The following PDHX variants were observed in gnomAD, a reference collection of about 807,000 sequenced individuals.
The protein encoded by PDHX is pyruvate dehydrogenase protein X component, mitochondrial.
PDHX carries 33 observed loss-of-function variants against 55.3 expected under a neutral mutation model. The observed-to-expected ratio is 0.60, with a 90% CI of 0.45 to 0.80. The LOEUF (loss-of-function observed/expected upper bound fraction) is 0.80. Ranked by LOEUF, PDHX falls within the 30% of genes least tolerant of loss-of-function variation. The probability of loss-of-function intolerance (pLI) is 0.00; values close to 1 mark genes in which losing one functional copy is unlikely to be tolerated. For missense variants in PDHX, 622 were observed against 619.9 expected, an observed-to-expected ratio of 1.00 and a Z score of -0.04; for synonymous variants, 226 against 219.4, an observed-to-expected ratio of 1.03 and a Z score of -0.27.
chr11:34,964,807 CTAATATTA>C (rs1855094388), intron 5 of PDHX, among the ~76,000 whole-genome samples: 5 of 149,114 alleles, frequency 3.4e-5, no homozygotes, highest in African/African-American at 1.0e-4. Flanking sequence ...ATTAGCATAA[CTAATATTA>C]GCTATTAGCA....
intron 2 of PDHX, among the ~76,000 whole-genome samples, chr11:34,936,887 C>G (rs763762873): frequency 1.5e-4 from 22 of 149,102 alleles, no homozygotes; most frequent in Admixed American, 9.4e-4. Flanking sequence ...CTCCCAGGTT[C>G]ACGTGAGTCT....
rs1043406653 is a variant in PDHX, at chr11:34,978,291, T to C, written c.1023+109T>C. 1.5e-5 allele frequency: 11 copies of C among 724,560 alleles called. No individual in the cohort carries two copies. The African/African-American group carries it at 1.9e-4, about 13-fold the overall frequency. The allele number at this position is 724,560 out of a possible 1,614,324, so 44.9% of individuals were successfully genotyped here. A position where few individuals can be genotyped will look rare whatever the true frequency, so the allele number is the denominator to read the frequency against. On this transcript the variant is annotated intron_variant, in intron 8 of 10. Transcript: ENST00000227868. ...TTTTAAATCACAAAAATTTTATAAT[T>C]GTCTTGCTAAAAATATCCTATCGTT...
chr11:34,956,218 A>G (rs1470135291), intron 3 of PDHX, among the ~76,000 whole-genome samples: 1 of 141,250 alleles, frequency 7.1e-6, no homozygotes, highest in Non-Finnish European at 1.6e-5. Flanking sequence ...ATATATATAT[A>G]TGTATTTTGC....
intron 1 of PDHX, among the ~76,000 whole-genome samples, chr11:34,925,803 G>T (rs1164410602): frequency 1.3e-5 from 2 of 152,178 alleles, no homozygotes; most frequent in Non-Finnish European, 1.5e-5. Flanking sequence ...CTGACATGAT[G>T]CTCAGAGGTG....
intron 1 of PDHX, 57 bp downstream of exon 1, chr11:34,916,872 A>G: frequency 6.7e-7 from 1 of 1,482,774 alleles, no homozygotes. Context: ...GGCCTGGGAC[A>G]GGGGCAGTTA....
At chr11:34,938,383 C>G (rs1035753313) in intron 2 of PDHX, among the ~76,000 whole-genome samples, 1 of 152,024 alleles carries the variant, frequency 6.6e-6, no homozygotes, top group Non-Finnish European at 1.5e-5. Flanking sequence ...GAGCCAGTAC[C>G]CCATTGGAAA....
intron 2 of PDHX, among the ~76,000 whole-genome samples, chr11:34,935,274 T>C (rs1854281938): frequency 6.6e-6 from 1 of 152,142 alleles, no homozygotes; most frequent in African/African-American, 2.4e-5. Context: ...TTGATATTAT[T>C]AAGAGAATAT....
intron 8 of PDHX, among the ~76,000 whole-genome samples, chr11:34,979,382 A>G (rs913498468): frequency 2.0e-5 from 3 of 152,136 alleles, no homozygotes; most frequent in Non-Finnish European, 2.9e-5. Context: ...TCTAGAACCC[A>G]GGCTTCCTGC....
chr11:34,959,433 A>G (rs1467770503), intron 4 of PDHX, among the ~76,000 whole-genome samples: 1 of 151,982 alleles, frequency 6.6e-6, no homozygotes, highest in African/African-American at 2.4e-5. Context: ...ACCAAACCAG[A>G]CCCAGATTAT....
At chr11:34,992,422 G>A in intron 10 of PDHX, 43 bp downstream of exon 10, 2 of 1,000,100 alleles carry the variant, frequency 2.0e-6, no homozygotes, top group Non-Finnish European at 3.2e-6. Context: ...CAAACAGATA[G>A]ATGTAAGACT....
At chr11:34,980,717 G>A (rs757245753) in intron 8 of PDHX, among the ~76,000 whole-genome samples, 2 of 152,052 alleles carry the variant, frequency 1.3e-5, no homozygotes, top group Non-Finnish European at 2.9e-5. Context: ...AGGTAGCCTT[G>A]CAATGGAAAT....
intron 1 of PDHX, 91 bp from the exon 2 acceptor site, chr11:34,931,313 T>C (rs572584718): frequency 1.1e-5 from 8 of 751,532 alleles, no homozygotes; most frequent in Non-Finnish European, 1.9e-5. Flanking sequence ...TTTTTCAAAT[T>C]GAATTTGACG....
In PDHX at chr11:34,966,733, G is replaced by T; in HGVS notation, c.735G>T (p.Ser245=). Residue 245 remains serine (S), a synonymous_variant, in exon 6 of 11, where the codon TCG becomes TCT. Transcript: ENST00000227868. ...PAPTATPTAP[S]PLQATAGPSY... ...CCACAGCCACTCCCACAGCACCTTC[G>T]CCCCTACAGGCCACAGCTGGACCAT... 6.2e-7 allele frequency: 1 copy of T among 1,614,026 alleles called. No individual in the cohort carries two copies. Among genetic ancestry groups the T allele is most frequent in the Non-Finnish European group, 8.5e-7 (1 of 1,179,972 alleles).
At chr11:34,921,653 G>A (rs995091221) in intron 1 of PDHX, among the ~76,000 whole-genome samples, 2 of 152,132 alleles carry the variant, frequency 1.3e-5, no homozygotes, top group African/African-American at 4.8e-5. Flanking sequence ...TAATGACCAA[G>A]CAAAGTGTAT....
chr11:34,933,262 T>C (rs1191709405), intron 2 of PDHX, among the ~76,000 whole-genome samples: 1 of 152,182 alleles, frequency 6.6e-6, no homozygotes, highest in Non-Finnish European at 1.5e-5. Flanking sequence ...TTCTCTCTCT[T>C]TTTCTCTCTC....
intron 10 of PDHX, among the ~76,000 whole-genome samples, chr11:34,993,772 C>T (rs899176240): frequency 6.6e-6 from 1 of 152,096 alleles, no homozygotes; most frequent in Admixed American, 6.6e-5. Flanking sequence ...CCATTTTTCA[C>T]ACACACACCC....
intron 1 of PDHX, 130 bp downstream of exon 1, chr11:34,916,945 C>G: frequency 1.1e-6 from 1 of 951,816 alleles, no homozygotes; most frequent in South Asian, 1.4e-5. Context: ...TCCTCTTTCT[C>G]CGGTTGGGGT....
chr11:34,939,519 G>A (rs75479466), intron 2 of PDHX, among the ~76,000 whole-genome samples: 12,583 of 151,258 alleles, frequency 0.083, 559 homozygotes, highest in African/African-American at 0.097. Flanking sequence ...TTGCATGCGC[G>A]CAGCGTTTTA....
chr11:34,971,501 T>G (rs1376075926), intron 7 of PDHX, among the ~76,000 whole-genome samples: 3 of 152,182 alleles, frequency 2.0e-5, no homozygotes, highest in Non-Finnish European at 4.4e-5. Context: ...TAAACATGAA[T>G]AGATGTTGAA....
Sources: allele counts gnomAD v4.1 joint callset (sites outside exome capture counted in the v4.1 genomes callset), GRCh38; gene constraint gnomAD v4.1.1; transcripts MANE v1.5; gene names NCBI Gene and HGNC (gene_info 2026-07-23, HGNC 2026-07-21).